Variants in FBXL17 observed in about 807,000 individuals in gnomAD.
FBXL17 encodes F-box/LRR-repeat protein 17.
Under a neutral mutation model 66.2 loss-of-function variants are expected in FBXL17, and 22 were observed. That is an observed-to-expected ratio of 0.33 (90% CI 0.24 to 0.47). The LOEUF is 0.47. Among genes scored for constraint, FBXL17 ranks in the 20% least tolerant of loss-of-function variants. The pLI, the probability that FBXL17 is intolerant of heterozygous loss-of-function variation, is 1.00. For synonymous variants in FBXL17, 474 were observed against 400.5 expected (o/e 1.18, Z -2.19); for missense variants, 878 against 948.2 (o/e 0.93, Z 0.97).
At chr5:108,061,381 G>C (rs1213232660) in intron 6 of FBXL17, among the ~76,000 whole-genome samples, 13 of 152,068 alleles carry the variant, frequency 8.5e-5, no homozygotes, top group Admixed American at 8.5e-4. Flanking sequence ...CCAATGAGAT[G>C]ATTTATGCCT....
At chr5:108,044,876 T>G in intron 6 of FBXL17, among the ~76,000 whole-genome samples, 1 of 152,152 alleles carries the variant, frequency 6.6e-6, no homozygotes. Context: ...GTAGCTTGTG[T>G]TTTTCAAGGA....
chr5:108,279,349 C>T (rs746089056), intron 4 of FBXL17, among the ~76,000 whole-genome samples: 7 of 152,112 alleles, frequency 4.6e-5, no homozygotes, highest in Non-Finnish European at 7.4e-5. Context: ...GACCAGGCCA[C>T]CCAGCATCCC....
chr5:107,979,681 C>T (rs1314175620), intron 7 of FBXL17, among the ~76,000 whole-genome samples: 1 of 152,154 alleles, frequency 6.6e-6, no homozygotes, highest in Non-Finnish European at 1.5e-5. Context: ...ATTATAGGGG[C>T]TTGATTATTG....
intron 7 of FBXL17, among the ~76,000 whole-genome samples, chr5:107,901,386 T>C (rs1749563856): frequency 6.6e-6 from 1 of 152,198 alleles, no homozygotes; most frequent in Non-Finnish European, 1.5e-5. Flanking sequence ...TGGAAATTTT[T>C]ACTTTCTTGA....
At chr5:108,068,600 C>A (rs755355479) in intron 6 of FBXL17, among the ~76,000 whole-genome samples, 13 of 151,972 alleles carry the variant, frequency 8.6e-5, no homozygotes, top group Non-Finnish European at 1.6e-4. Flanking sequence ...GGGCTACAGG[C>A]GCGTGCCACC....
rs529296618 is a variant in FBXL17 at position 108,170,602 on chromosome 5, C to G, written c.1745+15515G>C. Among the ~76,000 whole-genome samples, 113 of 152,208 alleles carry G rather than the reference C, an allele frequency of 7.4e-4. 2 individuals carry two copies. The highest frequency in any genetic ancestry group is 2.6e-3 in the African/African-American group (109 of 41,528). On this transcript the variant is annotated intron_variant, in intron 6 of 8. Coordinates refer to ENST00000542267, the MANE Select transcript of FBXL17 (RefSeq NM_001163315.3). Reference sequence around the variant, plus strand: ...AGGCTGGAGTGCAATGGTGCCATCTCAGATCACTGCAACTTCCGCTTCCCA... The same window carrying G: ...AGGCTGGAGTGCAATGGTGCCATCTGAGATCACTGCAACTTCCGCTTCCCA...
intron 4 of FBXL17, among the ~76,000 whole-genome samples, chr5:108,259,376 G>C (rs1391850326): frequency 6.6e-6 from 1 of 152,136 alleles, no homozygotes; most frequent in African/African-American, 2.4e-5. Flanking sequence ...TGATTTCAAA[G>C]CATTCAGAGG....
At chr5:108,118,982 T>A (rs2149962139) in intron 6 of FBXL17, among the ~76,000 whole-genome samples, 1 of 152,306 alleles carries the variant, frequency 6.6e-6, no homozygotes, top group South Asian at 2.1e-4. Flanking sequence ...CTTTACATAT[T>A]TCCTTTTTTT....
Position 108,009,286 on chromosome 5 carries a change from T to TAGATAGATAG in FBXL17, c.1822+11638_1822+11639insCTATCTATCT, listed in dbSNP as rs1172522525. 3.3e-4 allele frequency among the ~76,000 whole-genome samples: 18 copies of TAGATAGATAG among 53,776 alleles called. 3 individuals carry two copies. Among genetic ancestry groups the TAGATAGATAG allele is most frequent in the South Asian group, 9.7e-4 (2 of 2,052 alleles). 35.3% of individuals were successfully genotyped at this position (53,776 alleles called of 152,430 possible). Reference sequence around the variant, plus strand: ...TTATATATATATATATATATATATATATATATATATATATACATATATACA... The same window carrying TAGATAGATAG: ...TTATATATATATATATATATATATATAGATAGATAGATATATATATATATACATATATACA... On this transcript the variant is annotated intron_variant, in intron 7 of 8. Coordinates refer to ENST00000542267, the MANE Select transcript of FBXL17 (RefSeq NM_001163315.3).
intron 8 of FBXL17, chr5:107,879,894 C>T (rs1184500566): frequency 1.0e-6 from 1 of 985,312 alleles, no homozygotes. Context: ...GATACAGACT[C>T]CAAAGACCCG....
At chr5:108,214,959 G>A (rs2150065533) in intron 5 of FBXL17, among the ~76,000 whole-genome samples, 1 of 152,200 alleles carries the variant, frequency 6.6e-6, no homozygotes, top group African/African-American at 2.4e-5. Flanking sequence ...AAATCATATA[G>A]AAAAATAGCC....
At chr5:108,044,879 T>C (rs1360148478) in intron 6 of FBXL17, among the ~76,000 whole-genome samples, 1 of 152,176 alleles carries the variant, frequency 6.6e-6, no homozygotes, top group Non-Finnish European at 1.5e-5. Context: ...GCTTGTGTTT[T>C]TCAAGGAAGT....
intron 4 of FBXL17, among the ~76,000 whole-genome samples, chr5:108,307,304 T>C (rs75609690): frequency 0.05 from 7,596 of 152,080 alleles, 636 homozygotes; most frequent in African/African-American, 0.17. Flanking sequence ...TAAAATCTTG[T>C]TTTATTTATT....
At chr5:108,222,594 C>T (rs967902831) in intron 5 of FBXL17, among the ~76,000 whole-genome samples, 3 of 151,232 alleles carry the variant, frequency 2.0e-5, no homozygotes, top group African/African-American at 7.3e-5. Context: ...CTTTCAGATA[C>T]ACTATACTAG....
At chr5:108,242,049 G>C (rs1191157802) in intron 4 of FBXL17, among the ~76,000 whole-genome samples, 1 of 152,288 alleles carries the variant, frequency 6.6e-6, no homozygotes, top group East Asian at 1.9e-4. Context: ...AAAGAAGGAT[G>C]TTAATGAGCA....
chr5:108,087,435 A>AC (rs956463775), intron 6 of FBXL17, among the ~76,000 whole-genome samples: 1 of 152,024 alleles, frequency 6.6e-6, no homozygotes, highest in African/African-American at 2.4e-5. Context: ...ATCCATGTCA[A>AC]CCCAAAGCAG....
At chr5:108,042,545 C>A (rs559472609) in intron 6 of FBXL17, among the ~76,000 whole-genome samples, 55 of 152,284 alleles carry the variant, frequency 3.6e-4, no homozygotes, top group African/African-American at 1.3e-3. Flanking sequence ...GACTTTTTAA[C>A]TCAGTGTAAT....
intron 4 of FBXL17, among the ~76,000 whole-genome samples, chr5:108,273,995 T>C (rs1757381919): frequency 6.6e-6 from 1 of 152,050 alleles, no homozygotes; most frequent in Non-Finnish European, 1.5e-5. Context: ...ATTTCTTAAA[T>C]GATAAAAAAG....
intron 4 of FBXL17, among the ~76,000 whole-genome samples, chr5:108,291,747 C>T (rs1758121213): frequency 6.6e-6 from 1 of 151,780 alleles, no homozygotes; most frequent in Non-Finnish European, 1.5e-5. Context: ...TCCTCCCATT[C>T]CCAAAACTAT....
Sources: allele counts gnomAD v4.1 joint callset (sites outside exome capture counted in the v4.1 genomes callset), GRCh38; gene constraint gnomAD v4.1.1; transcripts MANE v1.5; gene names NCBI Gene and HGNC (gene_info 2026-07-23, HGNC 2026-07-21).